Variants in ST3GAL5 observed in about 807,000 individuals in gnomAD.
The protein encoded by ST3GAL5 is lactosylceramide alpha-2,3-sialyltransferase.
Under a neutral mutation model 46.1 loss-of-function variants are expected in ST3GAL5, and 25 were observed. That is an observed-to-expected ratio of 0.54 (90% CI 0.40 to 0.76). The LOEUF is 0.76. Ranked by LOEUF, ST3GAL5 falls within the 30% of genes least tolerant of loss-of-function variation. The probability of loss-of-function intolerance (pLI) is 0.00; values close to 1 mark genes in which losing one functional copy is unlikely to be tolerated. For synonymous variants in ST3GAL5, 182 were observed against 192.7 expected, an observed-to-expected ratio of 0.94 and a Z score of 0.46; for missense variants, 431 against 521.2, an observed-to-expected ratio of 0.83 and a Z score of 1.69.
intron 3 of ST3GAL5, chr2:85,852,827 T>C: frequency 7.9e-7 from 1 of 1,271,904 alleles, no homozygotes; most frequent in Non-Finnish European, 1.0e-6. Flanking sequence ...TGTTAAAGCA[T>C]TTCTCCCTAG....
At chr2:85,882,304 G>A (rs1242253031) in intron 1 of ST3GAL5, among the ~76,000 whole-genome samples, 3 of 152,332 alleles carry the variant, frequency 2.0e-5, no homozygotes, top group African/African-American at 7.2e-5. Flanking sequence ...ACCTAGTGGA[G>A]CTGTGAGAAG....
At chr2:85,886,857 T>G (rs1170457666) in intron 1 of ST3GAL5, among the ~76,000 whole-genome samples, 1 of 152,168 alleles carries the variant, frequency 6.6e-6, no homozygotes, top group Non-Finnish European at 1.5e-5. Flanking sequence ...ATCATTAACA[T>G]GTGTATATTC....
At chr2:85,852,552 T>C (rs1683632361) in intron 3 of ST3GAL5, among the ~76,000 whole-genome samples, 1 of 152,080 alleles carries the variant, frequency 6.6e-6, no homozygotes, top group African/African-American at 2.4e-5. Flanking sequence ...ACTCAACCAG[T>C]TGGTGGAAGC....
chr2:85,853,233 T>C, intron 3 of ST3GAL5: 1 of 431,210 alleles, frequency 2.3e-6, no homozygotes, highest in East Asian at 7.2e-5. Flanking sequence ...ACTTTCAAAG[T>C]GTCCAGGCAT....
In ST3GAL5 at chr2:85,861,285, A is replaced by G; in HGVS notation, c.214T>C (p.Leu72=). Residue 72 remains leucine (L), a synonymous_variant, in exon 3 of 7, where the codon TTG becomes CTG. Transcript: ENST00000638572. ...AGGATCCACACTCCAAACACAAGCA[A>G]TGTACATCTGGAAAAAAATCAATTA... The part of the protein sequence containing the change: ...LLLKDILKCT[L]LVFGVWILYI... 6.2e-7 allele frequency: 1 copy of G among 1,603,028 alleles called. No homozygotes were observed.
intron 1 of ST3GAL5, among the ~76,000 whole-genome samples, chr2:85,883,339 T>C (rs985717437): frequency 9.9e-5 from 15 of 152,146 alleles, no homozygotes; most frequent in African/African-American, 3.6e-4. Context: ...TCTTCTTCCT[T>C]CTCTCTTGCC....
At chr2:85,887,870 A>C (rs896493683) in intron 1 of ST3GAL5, 2 of 152,256 alleles carry the variant, frequency 1.3e-5, no homozygotes, top group African/African-American at 4.8e-5. Flanking sequence ...TGCCACGAGG[A>C]GCAGGCAACC....
intron 3 of ST3GAL5, among the ~76,000 whole-genome samples, chr2:85,857,203 C>A (rs533910262): frequency 4.6e-5 from 7 of 151,570 alleles, no homozygotes; most frequent in Admixed American, 3.9e-4. Context: ...AATGATCGGG[C>A]CACTGCACTT....
intron 1 of ST3GAL5, among the ~76,000 whole-genome samples, chr2:85,874,673 T>C (rs954155064): frequency 6.6e-6 from 1 of 152,028 alleles, no homozygotes; most frequent in South Asian, 2.1e-4. Context: ...GACTCCCAGC[T>C]TAGGGACTGT....
At chr2:85,869,192 G>A (rs931751106) in intron 1 of ST3GAL5, among the ~76,000 whole-genome samples, 1 of 152,032 alleles carries the variant, frequency 6.6e-6, no homozygotes, top group Admixed American at 6.5e-5. Flanking sequence ...TGGAACTATA[G>A]GCATGTGCCA....
At chr2:85,881,462 T>C (rs1221223921) in intron 1 of ST3GAL5, among the ~76,000 whole-genome samples, 2 of 152,228 alleles carry the variant, frequency 1.3e-5, no homozygotes, top group African/African-American at 4.8e-5. Context: ...TGGAGGCTTG[T>C]TGAATGACTT....
chr2:85,884,383 G>A (rs1687525420), intron 1 of ST3GAL5, among the ~76,000 whole-genome samples: 1 of 152,196 alleles, frequency 6.6e-6, no homozygotes, highest in African/African-American at 2.4e-5. Context: ...TGTGTTATTA[G>A]GTGCATAAGA....
At chr2:85,885,756 C>T (rs868151242) in intron 1 of ST3GAL5, among the ~76,000 whole-genome samples, 36 of 150,572 alleles carry the variant, frequency 2.4e-4, no homozygotes, top group Admixed American at 8.7e-4. Flanking sequence ...ACCCCGGAGG[C>T]GGAGCCTGCA....
At chr2:85,858,257 A>G (rs938779782) in intron 3 of ST3GAL5, 1 of 152,214 alleles carries the variant, frequency 6.6e-6, no homozygotes, top group Non-Finnish European at 1.5e-5. Flanking sequence ...CCTGGAAGGG[A>G]TCAGAAAGGC....
At chr2:85,846,839 G>T (rs1192243725) in intron 4 of ST3GAL5, 3 of 337,390 alleles carry the variant, frequency 8.9e-6, no homozygotes, top group Non-Finnish European at 1.6e-5. Context: ...TTACATTTGG[G>T]ACTTTCTCTG....
At chr2:85,882,655 C>G (rs1292662168) in intron 1 of ST3GAL5, among the ~76,000 whole-genome samples, 1 of 140,010 alleles carries the variant, frequency 7.1e-6, no homozygotes, top group African/African-American at 2.7e-5. Context: ...ATGGTGAAAC[C>G]CCATCTCTAC....
chr2:85,881,686 G>A (rs1687169845), intron 1 of ST3GAL5, among the ~76,000 whole-genome samples: 1 of 152,198 alleles, frequency 6.6e-6, no homozygotes. Context: ...TTTCTAAGCA[G>A]GAAAGCAGTC....
intron 6 of ST3GAL5, among the ~76,000 whole-genome samples, chr2:85,841,365 C>T (rs1558642084): frequency 6.6e-6 from 1 of 152,012 alleles, no homozygotes; most frequent in African/African-American, 2.4e-5. Context: ...ATCGGTCTCA[C>T]TCTGTTGCCC....
At chr2:85,846,176 C>T (rs1336932790) in intron 5 of ST3GAL5, 1 of 573,984 alleles carries the variant, frequency 1.7e-6, no homozygotes, top group Non-Finnish European at 3.1e-6. Flanking sequence ...AGCCCTCTAG[C>T]CTGGACAACA....
Sources: allele counts gnomAD v4.1 joint callset (sites outside exome capture counted in the v4.1 genomes callset), GRCh38; gene constraint gnomAD v4.1.1; transcripts MANE v1.5; gene names NCBI Gene and HGNC (gene_info 2026-07-23, HGNC 2026-07-21).